Variants in MED12L observed in about 807,000 individuals in gnomAD.
MED12L encodes the protein mediator of RNA polymerase II transcription subunit 12-like protein.
Under a neutral mutation model 281.3 loss-of-function variants are expected in MED12L, and 60 were observed. That is an observed-to-expected ratio of 0.21 (90% confidence interval 0.17 to 0.26). The LOEUF (loss-of-function observed/expected upper bound fraction) is 0.26, where lower values mean the gene tolerates loss of function less well. MED12L is among the 10% of genes least tolerant of loss of function. The pLI is 1.00. For synonymous variants in MED12L, 974 were observed against 987.2 expected, an observed-to-expected ratio of 0.99 and a Z score of 0.25; for missense variants, 2,146 against 2,680.9, an observed-to-expected ratio of 0.80 and a Z score of 4.41.
In MED12L at chr3:151,350,134, A is replaced by G; in HGVS notation, c.2326A>G (p.Arg776Gly). 2 of 1,613,794 alleles carry G rather than the reference A, an allele frequency of 1.2e-6. No individual in the cohort carries two copies. The highest frequency in any genetic ancestry group is 1.7e-6 in the Non-Finnish European group (2 of 1,179,770). ...YGVGKERDEA[R>G]HQLKKITKDI... ...AGTCGGCAAAGAGCGTGATGAAGCAAGGCATCAGCTGAAGAAGATTACCAA... is the reference window on the plus strand; with the variant it reads ...AGTCGGCAAAGAGCGTGATGAAGCAGGGCATCAGCTGAAGAAGATTACCAA... Residue 776 changes from arginine (R) to glycine (G), a missense_variant, in exon 17 of 45, where the codon AGG (arginine) becomes GGG (glycine). Around this residue, in one of 9 missense-constraint regions of MED12L, gnomAD observed 404 missense variants for 603.5 expected, o/e 0.67. Coordinates refer to ENST00000687756, the MANE Select transcript of MED12L (RefSeq NM_001393769.1).
At chr3:151,124,989 A>C (rs186167674) in intron 4 of MED12L, among the ~76,000 whole-genome samples, 52 of 151,914 alleles carry the variant, frequency 3.4e-4, no homozygotes, top group Non-Finnish European at 3.5e-4. Context: ...GAAAGGTGAT[A>C]GGACACCCTT....
At chr3:151,180,090 CT>C (rs540617105) in intron 11 of MED12L, among the ~76,000 whole-genome samples, 1 of 152,128 alleles carries the variant, frequency 6.6e-6, no homozygotes, top group Non-Finnish European at 1.5e-5. Context: ...AAATGCATAA[CT>C]TTTTATAGGC....
intron 11 of MED12L, among the ~76,000 whole-genome samples, chr3:151,176,203 T>A (rs2149032027): frequency 6.6e-6 from 1 of 152,308 alleles, no homozygotes; most frequent in African/African-American, 2.4e-5. Context: ...CATTTGACAG[T>A]TATTTAACCT....
intron 16 of MED12L, among the ~76,000 whole-genome samples, chr3:151,288,392 G>A (rs1046486818): frequency 6.6e-6 from 1 of 152,136 alleles, no homozygotes; most frequent in Admixed American, 6.6e-5. Flanking sequence ...ATTTTTCCAA[G>A]TATATAGCTA....
chr3:151,355,260 A>G (rs1577418247), intron 18 of MED12L, 21 bp downstream of exon 18: 2 of 1,525,426 alleles, frequency 1.3e-6, no homozygotes, highest in Middle Eastern at 1.7e-4. Context: ...AAAGCTGTTT[A>G]TTATGCATTT....
At chr3:151,209,164 G>T (rs920631644) in intron 16 of MED12L, among the ~76,000 whole-genome samples, 4 of 152,112 alleles carry the variant, frequency 2.6e-5, no homozygotes, top group Admixed American at 6.5e-5. Flanking sequence ...ATTGAGGTGG[G>T]CCTATTTTTA....
At chr3:151,149,506 C>A (rs1189592882) in intron 5 of MED12L, among the ~76,000 whole-genome samples, 1 of 151,990 alleles carries the variant, frequency 6.6e-6, no homozygotes, top group African/African-American at 2.4e-5. Context: ...TGAGTTGTAA[C>A]CTTTTGGCTA....
At chr3:151,302,215 G>C (rs1746031758) in intron 16 of MED12L, among the ~76,000 whole-genome samples, 1 of 152,194 alleles carries the variant, frequency 6.6e-6, no homozygotes, top group Non-Finnish European at 1.5e-5. Context: ...GTGTCTGCTG[G>C]GGTTGGGGGC....
chr3:151,319,473 G>A (rs918866443), intron 16 of MED12L, among the ~76,000 whole-genome samples: 1 of 62,116 alleles, frequency 1.6e-5, no homozygotes, highest in African/African-American at 7.8e-5. Context: ...GTGTGCGTGT[G>A]TGTGTGTGTG....
At chr3:151,328,812 G>A in intron 16 of MED12L, 1 of 1,613,954 alleles carries the variant, frequency 6.2e-7, no homozygotes, top group East Asian at 2.2e-5. Context: ...GTGTTTTTGA[G>A]GTAGATGATG....
chr3:151,216,597 A>G (rs1057267023), intron 16 of MED12L, among the ~76,000 whole-genome samples: 11 of 152,172 alleles, frequency 7.2e-5, no homozygotes, highest in Admixed American at 1.3e-4. Context: ...CAGTCTATGG[A>G]CTTCCTATAG....
chr3:151,151,628 G>A (rs1401985903), intron 5 of MED12L, among the ~76,000 whole-genome samples: 1 of 151,942 alleles, frequency 6.6e-6, no homozygotes, highest in African/African-American at 2.4e-5. Flanking sequence ...GAGACAGGTT[G>A]ATGCAACAGC....
chr3:151,155,022 A>C (rs1374729435), intron 5 of MED12L, among the ~76,000 whole-genome samples: 1 of 152,246 alleles, frequency 6.6e-6, no homozygotes, highest in East Asian at 1.9e-4. Flanking sequence ...GTTTAGATGA[A>C]AACTTAACAG....
intron 16 of MED12L, among the ~76,000 whole-genome samples, chr3:151,223,771 AG>A (rs1464149587): frequency 6.6e-6 from 1 of 152,218 alleles, no homozygotes; most frequent in African/African-American, 2.4e-5. Flanking sequence ...GTTCACTAGA[AG>A]CCCAAAAGCT....
In MED12L at chr3:151,255,036, TATACTC is replaced by T. The variant is rs907127711; in HGVS notation, c.2250+61374_2250+61379del. Among the ~76,000 whole-genome samples the T allele has an allele frequency of 4.6e-5, 7 of 152,220 alleles. No homozygotes were observed. The East Asian group carries it at 5.8e-4, about 13-fold the overall frequency. ...ATACTTAACAATATAAATATAGTAT[TATACTC>T]ATAATAAGCGAGGCCTTTGCTTGTA... On this transcript the variant is annotated intron_variant, in intron 16 of 44. Transcript: ENST00000687756.
rs1336826072 is a variant in MED12L, at chr3:151,338,185, C to T, written c.2251-11874C>T. The T allele has an allele frequency of 6.8e-6, 11 of 1,613,910 alleles. No individual in the cohort carries two copies. Among genetic ancestry groups the T allele is most frequent in the African/African-American group, 1.3e-5 (1 of 74,894 alleles). ...ACTTTACCTACACCCCTCGTTCTTACGTATGACCGGTACAGTTCTTTTGTA... is the reference window on the plus strand; with the variant it reads ...ACTTTACCTACACCCCTCGTTCTTATGTATGACCGGTACAGTTCTTTTGTA... On this transcript the variant is annotated intron_variant, in intron 16 of 44. Transcript: ENST00000687756.
intron 16 of MED12L, among the ~76,000 whole-genome samples, chr3:151,282,194 T>C (rs1742906846): frequency 6.6e-6 from 1 of 152,352 alleles, no homozygotes; most frequent in Middle Eastern, 3.4e-3. Flanking sequence ...GACTTGTTCA[T>C]GTGAGCCCTG....
chr3:151,236,467 G>A (rs1272167825), intron 16 of MED12L, among the ~76,000 whole-genome samples: 1 of 152,068 alleles, frequency 6.6e-6, no homozygotes, highest in Non-Finnish European at 1.5e-5. Flanking sequence ...TATTCTTAAC[G>A]ATGTTAATAA....
At chr3:151,313,711 G>A (rs186049536) in intron 16 of MED12L, among the ~76,000 whole-genome samples, 10 of 152,120 alleles carry the variant, frequency 6.6e-5, no homozygotes, top group Admixed American at 1.3e-4. Context: ...GGGCATGGTC[G>A]TGGGCGCCTA....
Sources: gnomAD v4.1 joint callset for allele counts (sites outside exome capture counted in the v4.1 genomes callset) on GRCh38, gnomAD v4.1.1 for gene constraint, gnomAD v4.1.1 regional missense constraint, MANE v1.5 for transcripts, NCBI Gene and HGNC (gene_info 2026-07-23, HGNC 2026-07-21) for gene names.